The following SUMF1 variants were observed in gnomAD, a reference collection of about 807,000 sequenced individuals.
The protein encoded by SUMF1 is sulfatase modifying factor 1.
In SUMF1, 48 loss-of-function variants were observed where a neutral mutation model predicts 47.6. The observed-to-expected ratio is 1.01, with a 90% CI of 0.80 to 1.28. The LOEUF is 1.28. Among genes scored for constraint, SUMF1 ranks in the 50% most tolerant of loss-of-function variants. The pLI, the probability that SUMF1 is intolerant of heterozygous loss-of-function variation, is 0.00. For missense variants in SUMF1, 571 were observed against 485.4 expected (o/e 1.18, Z -1.66); for synonymous variants, 230 against 192.1 (o/e 1.20, Z -1.63).
At chr3:4,464,042 A>T (rs2079878020) in intron 1 of SUMF1, among the ~76,000 whole-genome samples, 2 of 152,156 alleles carry the variant, frequency 1.3e-5, no homozygotes, top group South Asian at 4.1e-4. Context: ...TGCCACACAC[A>T]CTCATTGTAT....
intron 1 of SUMF1, among the ~76,000 whole-genome samples, chr3:4,461,686 G>C (rs185531405): frequency 6.6e-6 from 1 of 151,660 alleles, no homozygotes; most frequent in Admixed American, 6.6e-5. Flanking sequence ...AATAAGCCAA[G>C]TTTCCATTCT....
chr3:4,383,307 A>C, intron 7 of SUMF1, among the ~76,000 whole-genome samples: 1 of 152,176 alleles, frequency 6.6e-6, no homozygotes, highest in East Asian at 1.9e-4. Context: ...TGAACCCGGG[A>C]GGCGGAGGCT....
chr3:4,442,337 G>A (rs1042082110), intron 3 of SUMF1, among the ~76,000 whole-genome samples: 1 of 149,980 alleles, frequency 6.7e-6, no homozygotes, highest in African/African-American at 2.5e-5. Flanking sequence ...CTCACTGCAA[G>A]CTCCGCCTCC....
chr3:4,367,106 G>T (rs766076532), intron 8 of SUMF1, among the ~76,000 whole-genome samples: 57 of 152,208 alleles, frequency 3.7e-4, no homozygotes, highest in Non-Finnish European at 6.8e-4. Flanking sequence ...ACCCGGCCGT[G>T]TGAGGTGTCA....
chr3:4,040,019 G>GA (rs1303053466), intron 9 of SUMF1, among the ~76,000 whole-genome samples: 1 of 151,496 alleles, frequency 6.6e-6, no homozygotes, highest in East Asian at 1.9e-4. Context: ...CCTGTCTCAA[G>GA]AAAAAAAATG....
chr3:4,079,019 G>T (rs527396178), intron 8 of SUMF1, among the ~76,000 whole-genome samples: 1 of 152,078 alleles, frequency 6.6e-6, no homozygotes, highest in South Asian at 2.1e-4. Context: ...TTTTCTCTGG[G>T]TTTTTTCCTC....
intron 8 of SUMF1, among the ~76,000 whole-genome samples, chr3:4,201,831 AGAT>A (rs1280325935): frequency 6.6e-6 from 1 of 151,990 alleles, no homozygotes; most frequent in Non-Finnish European, 1.5e-5. Context: ...AATTGGGGTG[AGAT>A]GATATCCCAT....
At chr3:4,336,657 A>T (rs1004878094) in intron 8 of SUMF1, among the ~76,000 whole-genome samples, 1 of 152,254 alleles carries the variant, frequency 6.6e-6, no homozygotes, top group Non-Finnish European at 1.5e-5. Context: ...GGAAAAATAT[A>T]TGATAATTTA....
At chr3:4,131,264 C>T (rs1693781860) in intron 8 of SUMF1, among the ~76,000 whole-genome samples, 1 of 152,090 alleles carries the variant, frequency 6.6e-6, no homozygotes, top group South Asian at 2.1e-4. Flanking sequence ...GTCATGAAGG[C>T]ACAAGTAAGT....
chr3:4,218,604 G>C (rs1462041130), intron 8 of SUMF1, among the ~76,000 whole-genome samples: 1 of 152,100 alleles, frequency 6.6e-6, no homozygotes, highest in Non-Finnish European at 1.5e-5. Flanking sequence ...GAGCAAATCT[G>C]GATCTGCGTG....
chr3:4,118,575 T>C (rs1477475333), intron 8 of SUMF1, among the ~76,000 whole-genome samples: 1 of 152,124 alleles, frequency 6.6e-6, no homozygotes. Context: ...CAAGTACTAT[T>C]TATACTTATT....
chr3:4,106,008 T>A (rs1693149181), intron 8 of SUMF1, among the ~76,000 whole-genome samples: 1 of 152,068 alleles, frequency 6.6e-6, no homozygotes, highest in Non-Finnish European at 1.5e-5. Flanking sequence ...ACTTCATTTT[T>A]TTTTTAACAG....
chr3:4,181,962 A>G (rs781420098), intron 8 of SUMF1, among the ~76,000 whole-genome samples: 1 of 152,176 alleles, frequency 6.6e-6, no homozygotes, highest in African/African-American at 2.4e-5. Context: ...AGTCATTATA[A>G]TATTTGTTAA....
At chr3:4,056,903 G>A (rs762029716) in intron 9 of SUMF1, among the ~76,000 whole-genome samples, 174 of 151,852 alleles carry the variant, frequency 1.1e-3, no homozygotes, top group Non-Finnish European at 2.1e-3. Context: ...CACCACGCCC[G>A]GCTAATTTTT....
At chr3:4,317,063 C>T (rs376412839) in intron 8 of SUMF1, 150 of 1,549,180 alleles carry the variant, frequency 9.7e-5, no homozygotes, top group Admixed American at 3.9e-5. Flanking sequence ...CAACCAACTA[C>T]CACGTCTTTA....
intron 8 of SUMF1, among the ~76,000 whole-genome samples, chr3:4,150,937 T>C (rs1221345868): frequency 6.6e-6 from 1 of 151,420 alleles, no homozygotes; most frequent in Admixed American, 6.6e-5. Context: ...GCCAGCAAAC[T>C]CTTTCTGCTC....
chr3:4,296,922 G>A (rs930937167), intron 8 of SUMF1, among the ~76,000 whole-genome samples: 26 of 152,208 alleles, frequency 1.7e-4, no homozygotes, highest in African/African-American at 5.3e-4. Context: ...AATGTGAATC[G>A]AAAAAGAGAC....
chr3:4,197,233 G>A (rs953512292), intron 8 of SUMF1, among the ~76,000 whole-genome samples: 1 of 151,968 alleles, frequency 6.6e-6, no homozygotes, highest in African/African-American at 2.4e-5. Flanking sequence ...TCCCACCTCA[G>A]TCTCCCGAAT....
At chr3:4,275,007 C>A (rs1170533127) in intron 8 of SUMF1, among the ~76,000 whole-genome samples, 2 of 152,170 alleles carry the variant, frequency 1.3e-5, no homozygotes, top group Non-Finnish European at 2.9e-5. Flanking sequence ...CCAGAGCAAG[C>A]ATTACCCATC....
Sources: gnomAD v4.1 joint callset for allele counts (sites outside exome capture counted in the v4.1 genomes callset) on GRCh38, gnomAD v4.1.1 for gene constraint, MANE v1.5 for transcripts, NCBI Gene and HGNC (gene_info 2026-07-23, HGNC 2026-07-21) for gene names.